FLVCR2: variants seen among roughly 807,000 people sequenced by gnomAD.
FLVCR2 encodes the protein FLVCR choline and putative heme transporter 2.
A neutral mutation model predicts 48.9 loss-of-function variants in FLVCR2; 38 were observed. The ratio of observed to expected loss-of-function variants is 0.78; its 90% CI spans 0.60 to 1.02. The LOEUF (loss-of-function observed/expected upper bound fraction) is 1.02. FLVCR2 is among the 50% of genes least tolerant of loss of function. The pLI is 0.00. For missense variants in FLVCR2, 664 were observed against 663.3 expected (o/e 1.00, Z -0.01); for synonymous variants, 255 against 257.0 (o/e 0.99, Z 0.07).
rs748711517 is a variant in FLVCR2 at position 75,622,129 on chromosome 14, TGAAGACCGGGA to T, written c.721_731del (p.Glu241ArgfsTer33). ...TCCCTCCTGTTTTGGTACCCAACAT[TGAAGACCGGGA>T]CGAGCTTGCCTACCACATCAGCATC... On this transcript the variant is annotated frameshift_variant, in exon 2 of 10. Transcript: ENST00000238667. LOFTEE classifies it high-confidence loss of function. 2.5e-6 allele frequency: 4 copies of T among 1,614,140 alleles called. No homozygotes were observed. The South Asian group carries it at 4.4e-5, about 18-fold the overall frequency.
At chr14:75,606,376 A>G (rs1366731675) in intron 1 of FLVCR2, among the ~76,000 whole-genome samples, 4 of 152,210 alleles carry the variant, frequency 2.6e-5, no homozygotes, top group Non-Finnish European at 5.9e-5. Context: ...TGTTTGGGCT[A>G]GTAGCTGCCT....
intron 1 of FLVCR2, among the ~76,000 whole-genome samples, chr14:75,597,433 A>G (rs556430703): frequency 6.6e-6 from 1 of 152,328 alleles, no homozygotes; most frequent in South Asian, 2.1e-4. Context: ...TAGTAACTCA[A>G]CTTGGGGGAT....
At chr14:75,633,241 G>C (rs535855227) in intron 3 of FLVCR2, among the ~76,000 whole-genome samples, 1 of 152,120 alleles carries the variant, frequency 6.6e-6, no homozygotes, top group South Asian at 2.1e-4. Context: ...CCTCAAGAAG[G>C]GGCAGGGTCA....
chr14:75,634,149 T>C (rs1212264176), intron 4 of FLVCR2, among the ~76,000 whole-genome samples: 1 of 152,150 alleles, frequency 6.6e-6, no homozygotes, highest in Non-Finnish European at 1.5e-5. Flanking sequence ...CTGGGCTGGA[T>C]GCTGGGAATG....
At chr14:75,590,147 T>G (rs1888846603) in intron 1 of FLVCR2, among the ~76,000 whole-genome samples, 1 of 152,216 alleles carries the variant, frequency 6.6e-6, no homozygotes, top group African/African-American at 2.4e-5. Context: ...TGAAGAGGCA[T>G]AACCTAGGGA....
At chr14:75,634,877 GC>G in intron 4 of FLVCR2, 32 bp from the exon 5 acceptor site, 1 of 1,476,324 alleles carries the variant, frequency 6.8e-7, no homozygotes, top group Middle Eastern at 1.7e-4. Flanking sequence ...TTGTCCCATC[GC>G]CGGGTGATCT....
At chr14:75,642,823 A>G (rs1368781313) in intron 9 of FLVCR2, among the ~76,000 whole-genome samples, 1 of 152,124 alleles carries the variant, frequency 6.6e-6, no homozygotes, top group Non-Finnish European at 1.5e-5. Flanking sequence ...TGCTTTTTTC[A>G]CTTATTGCAA....
chr14:75,579,732 C>G, intron 1 of FLVCR2, 91 bp downstream of exon 1: 3 of 1,406,286 alleles, frequency 2.1e-6, no homozygotes, highest in Non-Finnish European at 3.0e-6. Flanking sequence ...GCTGATTGTC[C>G]AACAGTGTTT....
chr14:75,596,654 A>G (rs1889028321), intron 1 of FLVCR2, among the ~76,000 whole-genome samples: 1 of 152,208 alleles, frequency 6.6e-6, no homozygotes, highest in Non-Finnish European at 1.5e-5. Flanking sequence ...CCATTCATTA[A>G]GTGTACAGTT....
intron 1 of FLVCR2, among the ~76,000 whole-genome samples, chr14:75,594,106 T>C (rs1411756129): frequency 1.3e-5 from 2 of 152,260 alleles, no homozygotes; most frequent in African/African-American, 2.4e-5. Context: ...TTCTGCCAAG[T>C]TCTTTGCAAG....
chr14:75,646,774 T>G lies in FLVCR2; in HGVS notation c.*302T>G. Reference sequence around the variant, plus strand: ...TTGGAGTCAATCCTAGCTTGGTCTCTTGCCTTCCCTCTTTTCCTCCATCCA... The same window carrying G: ...TTGGAGTCAATCCTAGCTTGGTCTCGTGCCTTCCCTCTTTTCCTCCATCCA... On this transcript the variant is annotated 3_prime_UTR_variant, in exon 10 of 10. Coordinates refer to ENST00000238667, the MANE Select transcript of FLVCR2 (RefSeq NM_017791.3). 1 of 410,474 alleles carries G rather than the reference T, an allele frequency of 2.4e-6. No homozygotes were observed. The highest frequency in any genetic ancestry group is 4.6e-6 in the Non-Finnish European group (1 of 216,080). The allele number at this position is 410,474 out of a possible 1,614,324, so 25.4% of individuals were successfully genotyped here.
intron 5 of FLVCR2, among the ~76,000 whole-genome samples, chr14:75,637,728 C>CAA (rs59847223): frequency 5.9e-5 from 5 of 84,066 alleles, no homozygotes; most frequent in East Asian, 3.5e-4. Flanking sequence ...GACTCCATCT[C>CAA]AAAAAAAAAA....
intron 1 of FLVCR2, among the ~76,000 whole-genome samples, chr14:75,607,166 T>C (rs1252683773): frequency 4.6e-5 from 7 of 152,158 alleles, no homozygotes; most frequent in Admixed American, 4.6e-4. Context: ...CAGCTTTTTT[T>C]TCTATAGCAA....
intron 1 of FLVCR2, among the ~76,000 whole-genome samples, chr14:75,596,782 C>A (rs4474627): frequency 8.9e-5 from 7 of 78,268 alleles, no homozygotes; most frequent in East Asian, 4.0e-4. Flanking sequence ...CCTCTTTTGC[C>A]CCCCCCCCCC....
intron 1 of FLVCR2, among the ~76,000 whole-genome samples, chr14:75,589,523 G>A (rs1888832848): frequency 6.6e-6 from 1 of 152,184 alleles, no homozygotes; most frequent in African/African-American, 2.4e-5. Flanking sequence ...CACAGTTGGA[G>A]TCTCATGCCT....
intron 1 of FLVCR2, among the ~76,000 whole-genome samples, chr14:75,587,284 C>T (rs1443571584): frequency 6.6e-6 from 1 of 151,942 alleles, no homozygotes; most frequent in Non-Finnish European, 1.5e-5. Context: ...CAAAGCCACT[C>T]TCAGTAGGCC....
chr14:75,595,807 A>T, intron 1 of FLVCR2: 1 of 809,080 alleles, frequency 1.2e-6, no homozygotes, highest in Non-Finnish European at 2.2e-6. Flanking sequence ...CAGCACCTTT[A>T]CTCCTTCAGC....
chr14:75,594,059 G>GTT (rs1888958045), intron 1 of FLVCR2, among the ~76,000 whole-genome samples: 1 of 152,132 alleles, frequency 6.6e-6, no homozygotes, highest in Non-Finnish European at 1.5e-5. Flanking sequence ...TCACTCTTAA[G>GTT]TTCTGTCTTC....
At chr14:75,609,034 C>T (rs1207025929) in intron 1 of FLVCR2, among the ~76,000 whole-genome samples, 2 of 152,078 alleles carry the variant, frequency 1.3e-5, no homozygotes, top group African/African-American at 4.8e-5. Context: ...AAATGAAAGC[C>T]ACTAAAGAAG....
Sources: allele counts gnomAD v4.1 joint callset (sites outside exome capture counted in the v4.1 genomes callset), GRCh38; gene constraint gnomAD v4.1.1; transcripts MANE v1.5; gene names NCBI Gene and HGNC (gene_info 2026-07-23, HGNC 2026-07-21).